Variants in SCART1 observed in about 807,000 individuals in gnomAD.
SCART1 encodes scavenger receptor cysteine-rich domain-containing protein SCART1.
SCART1 carries 62 observed loss-of-function variants against 36.2 expected under a neutral mutation model. That is an observed-to-expected ratio of 1.71 (90% confidence interval 1.40 to 2.12). SCART1 has a LOEUF of 2.12. Ranked by LOEUF, SCART1 falls within the 30% of genes most tolerant of loss-of-function variation. The pLI, the probability that SCART1 is intolerant of heterozygous loss-of-function variation, is 0.00. For missense variants in SCART1, 1,041 were observed against 540.5 expected, an observed-to-expected ratio of 1.93 and a Z score of -9.18; for synonymous variants, 487 against 238.7, an observed-to-expected ratio of 2.04 and a Z score of -9.59.
At chr10:133,463,167 C>G (rs1185469697) in intron 6 of SCART1, among the ~76,000 whole-genome samples, 1 of 152,152 alleles carries the variant, frequency 6.6e-6, no homozygotes, top group African/African-American at 2.4e-5. Context: ...TATTTGGGCA[C>G]TGATCCCTCA....
intron 9 of SCART1, chr10:133,465,867 C>T (rs774504777): frequency 1.4e-6 from 1 of 689,924 alleles, no homozygotes; most frequent in South Asian, 1.5e-5. Context: ...ACCTCATTCT[C>T]TTTGCAGAAA....
chr10:133,454,881 G>A (rs1167938643), intron 1 of SCART1, among the ~76,000 whole-genome samples: 4 of 152,268 alleles, frequency 2.6e-5, no homozygotes, highest in South Asian at 4.1e-4. Context: ...GAAGCCTGGG[G>A]TTGAAGGGAT....
Position 133,466,219 on chromosome 10 carries a change from A to T in SCART1, c.2660-16A>T, listed in dbSNP as rs1850763995. ...CCCCCCACCACCCAGCTGGCTCAAG[A>T]CCTCTCCTTTCTCAGAGCCTGGCCC... On this transcript the variant is annotated splice_polypyrimidine_tract_variant and intron_variant, in intron 9 of 11. Coordinates refer to ENST00000640237, the Ensembl canonical transcript of SCART1. 1.4e-6 allele frequency: 1 copy of T among 699,710 alleles called. No individual in the cohort carries two copies. The highest frequency in any genetic ancestry group is 2.6e-6 in the Non-Finnish European group (1 of 383,882). 43.3% of individuals were successfully genotyped at this position (699,710 alleles called of 1,614,324 possible).
At chr10:133,468,050 GA>G (rs1247157110) in exon 12 of SCART1, 44 of 607,006 alleles carry the variant, frequency 7.2e-5, no homozygotes, top group Non-Finnish European at 1.1e-4. Context: ...TGGATTTCGT[GA>G]GAACACCTTG....
chr10:133,463,726 G>A (rs1850730885), intron 6 of SCART1, among the ~76,000 whole-genome samples: 1 of 151,890 alleles, frequency 6.6e-6, no homozygotes, highest in Non-Finnish European at 1.5e-5. Context: ...CATCTCTATG[G>A]GGTTCATAGT....
exon 3 of SCART1, chr10:133,457,344 A>G (rs1203070137): frequency 1.4e-6 from 1 of 701,258 alleles, no homozygotes; most frequent in Non-Finnish European, 2.6e-6. Flanking sequence ...CCCCGAGATC[A>G]GAAACGTGAA....
chr10:133,460,496 A>ATATATATATATATATATATATATTTTTT, intron 6 of SCART1, among the ~76,000 whole-genome samples: 1 of 136,004 alleles, frequency 7.4e-6, no homozygotes, highest in Non-Finnish European at 1.6e-5. Context: ...ATATTTATAT[A>ATATATATATATATATATATATATTTTTT]TTTTAAAAAA....
chr10:133,454,907 C>G (rs894633544), intron 1 of SCART1, among the ~76,000 whole-genome samples: 2 of 152,102 alleles, frequency 1.3e-5, no homozygotes, highest in Admixed American at 1.3e-4. Context: ...TTTGTGTCAA[C>G]GATCGCATGC....
In SCART1 at chr10:133,459,758, G is replaced by A. The variant is rs764023112; in HGVS notation, c.1557G>A (p.Leu519=). 30 of 691,954 alleles carry A rather than the reference G, an allele frequency of 4.3e-5. No individual in the cohort carries two copies. The Admixed American group carries it at 5.7e-4, about 13-fold the overall frequency. 42.9% of individuals were successfully genotyped at this position (691,954 alleles called of 1,614,324 possible). A position where few individuals can be genotyped will look rare whatever the true frequency, so the allele number is the denominator to read the frequency against. Residue 519 remains leucine, a synonymous_variant, in exon 6 of 12, where the codon CTG becomes CTA. Coordinates refer to ENST00000640237, the Ensembl canonical transcript of SCART1. ...CTCAGTGCAACGTGTCCGCGACCCT[G>A]CAGGAGCCCGCGGGGACCTCGCGGG...
In SCART1 at chr10:133,459,066, A is replaced by C. The variant is rs957572692; in HGVS notation, c.1025A>C (p.Glu342Ala). ...AGCAGCAGCTGTGAGGGCCGCGTGGAGTTCCAGGTGCAGGGGTCCTGGGCA... is the reference window on the plus strand; with the variant it reads ...AGCAGCAGCTGTGAGGGCCGCGTGGCGTTCCAGGTGCAGGGGTCCTGGGCA... Residue 342 changes from glutamate (E) to alanine (A), a missense_variant, in exon 5 of 12, where the codon GAG (glutamate) becomes GCG (alanine). Coordinates refer to ENST00000640237, the Ensembl canonical transcript of SCART1. 3 of 700,898 alleles carry C rather than the reference A, an allele frequency of 4.3e-6. No individual in the cohort carries two copies. In the Admixed American group the frequency reaches 6.0e-5, roughly 14 times the overall value. 43.4% of individuals were successfully genotyped at this position (700,898 alleles called of 1,614,324 possible). A position where few individuals can be genotyped will look rare whatever the true frequency, so the allele number is the denominator to read the frequency against.
chr10:133,459,974 C>T (rs766544758), exon 6 of SCART1: 3 of 545,398 alleles, frequency 5.5e-6, no homozygotes, highest in Non-Finnish European at 9.6e-6. Flanking sequence ...GGGACGCGCA[C>T]GTGGTCTGCA....
chr10:133,458,890 G>A, intron 4 of SCART1, 131 bp from the exon 5 acceptor site: 1 of 626,682 alleles, frequency 1.6e-6, no homozygotes, highest in South Asian at 1.9e-5. Flanking sequence ...GCAGAGGAGG[G>A]TGGGGGAGCT....
At chr10:133,463,211 TAC>T (rs377183853) in intron 6 of SCART1, among the ~76,000 whole-genome samples, 19 of 150,278 alleles carry the variant, frequency 1.3e-4, no homozygotes, top group Non-Finnish European at 1.3e-4. Flanking sequence ...GGGGCTGAGG[TAC>T]ACACACACAC....
At chr10:133,457,460 C>T (rs771035884) in exon 3 of SCART1, 42 of 702,500 alleles carry the variant, frequency 6.0e-5, no homozygotes, top group Admixed American at 1.2e-4. Context: ...ACGTGGGCGT[C>T]GTCAGGAAGT....
intron 11 of SCART1, 83 bp from the exon 12 acceptor site, chr10:133,467,764 C>T (rs558823805): frequency 1.7e-6 from 1 of 576,400 alleles, no homozygotes; most frequent in African/African-American, 1.9e-5. Context: ...TTTATGCGTT[C>T]CTGTCTTACG....
chr10:133,467,468 C>A, intron 11 of SCART1, 115 bp downstream of exon 11: 1 of 609,406 alleles, frequency 1.6e-6, no homozygotes, highest in South Asian at 1.9e-5. Flanking sequence ...AGGCTGCTGA[C>A]CACAGGGCTC....
At chr10:133,455,769 G>T (rs1219285629) in intron 1 of SCART1, among the ~76,000 whole-genome samples, 2 of 152,040 alleles carry the variant, frequency 1.3e-5, no homozygotes, top group African/African-American at 4.8e-5. Context: ...GGCAGGGGTG[G>T]TTTTCCTGGA....
chr10:133,461,461 T>G (rs1309797302), intron 6 of SCART1, among the ~76,000 whole-genome samples: 3 of 152,218 alleles, frequency 2.0e-5, no homozygotes, highest in Non-Finnish European at 4.4e-5. Context: ...ATTATTACGT[T>G]TATTTCAATT....
chr10:133,463,504 CTT>C (rs34222160), intron 6 of SCART1, among the ~76,000 whole-genome samples: 15 of 125,730 alleles, frequency 1.2e-4, no homozygotes, highest in East Asian at 2.3e-4. Flanking sequence ...ACGTATTTGA[CTT>C]TTTTTTTTTT....
Sources: allele counts gnomAD v4.1 joint callset (sites outside exome capture counted in the v4.1 genomes callset), GRCh38; gene constraint gnomAD v4.1.1; transcripts MANE v1.5; gene names NCBI Gene and HGNC (gene_info 2026-07-23, HGNC 2026-07-21).